AGAP1: variants seen among roughly 807,000 people sequenced by gnomAD.
AGAP1 encodes arf-GAP with GTPase, ANK repeat and PH domain-containing protein 1.
A neutral mutation model predicts 105.3 loss-of-function variants in AGAP1; 29 were observed. The observed-to-expected ratio is 0.28, with a 90% confidence interval of 0.21 to 0.38. The LOEUF is 0.38. AGAP1 is among the 10% of genes least tolerant of loss of function. AGAP1 has a pLI of 1.00. For synonymous variants in AGAP1, 509 were observed against 485.9 expected, an observed-to-expected ratio of 1.05 and a Z score of -0.63; for missense variants, 998 against 1,165.1, an observed-to-expected ratio of 0.86 and a Z score of 2.09.
Position 235,876,462 on chromosome 2 carries a change from G to A in AGAP1, c.1051-6883G>A, listed in dbSNP as rs374471616. ...CCCCTAGGCTTCTTCCTCTCTCATG[G>A]CTCCTCCCCAGCCACCCTCCGTCTC... On this transcript the variant is annotated intron_variant, in intron 9 of 17. Transcript: ENST00000304032. Among the ~76,000 whole-genome samples, 270 of 152,250 alleles carry A rather than the reference G, an allele frequency of 1.8e-3. 2 individuals carry two copies. Among genetic ancestry groups the A allele is most frequent in the South Asian group, 3.3e-3 (16 of 4,826 alleles).
At position 235,915,770 on chromosome 2, in the gene AGAP1, C is replaced by T. The variant is rs367769382; in HGVS notation, c.1324+6864C>T. Among the ~76,000 whole-genome samples the T allele has an allele frequency of 9.3e-4, 142 of 152,176 alleles. 1 individual carries two copies. Among genetic ancestry groups the T allele is most frequent in the African/African-American group, 3.3e-3 (136 of 41,532 alleles). ...TTCATTAGATAAATACTGTAAAGAA[C>T]GTGGCTAAAGACATGTTGGTAGTCA... On this transcript the variant is annotated intron_variant, in intron 11 of 17. Coordinates refer to ENST00000304032, the MANE Select transcript of AGAP1 (RefSeq NM_001037131.3).
At position 235,663,328 on chromosome 2, in the gene AGAP1, C is replaced by A. The variant is rs181477880; in HGVS notation, c.164-45851C>A. Among the ~76,000 whole-genome samples the A allele has an allele frequency of 6.7e-4, 102 of 152,190 alleles. No individual in the cohort carries two copies. The highest frequency in any genetic ancestry group is 1.1e-3 in the Non-Finnish European group (74 of 68,004). On this transcript the variant is annotated intron_variant, in intron 1 of 17. Transcript: ENST00000304032. The surrounding 1 kb of genome is among the most constrained non-coding windows in gnomAD (Gnocchi z 5.4). ...CTGTCTCAAAAAAAAAGAAGGGGAG[C>A]GATCACGTGCATCCCTCTGCTGAGA...
intron 6 of AGAP1, among the ~76,000 whole-genome samples, chr2:235,791,045 C>T (rs944981620): frequency 6.6e-6 from 1 of 152,264 alleles, no homozygotes; most frequent in Non-Finnish European, 1.5e-5. Flanking sequence ...TATGATTTGA[C>T]TTAGCTTTTC....
chr2:235,598,907 C>T (rs1431431109), intron 1 of AGAP1, among the ~76,000 whole-genome samples: 1 of 152,160 alleles, frequency 6.6e-6, no homozygotes, highest in African/African-American at 2.4e-5. Flanking sequence ...GTTCTTTATT[C>T]ACTCATCTAA....
intron 6 of AGAP1, among the ~76,000 whole-genome samples, chr2:235,758,146 A>G (rs73996349): frequency 0.064 from 9,672 of 151,926 alleles, 1,037 homozygotes; most frequent in African/African-American, 0.22. Context: ...GCATGCGTGC[A>G]TGTGTGTGTG....
Position 235,970,537 on chromosome 2 carries a change from A to G in AGAP1, c.1645+1914A>G, listed in dbSNP as rs1245662402. 6.6e-6 allele frequency among the ~76,000 whole-genome samples: 1 copy of G among 152,164 alleles called. No individual in the cohort carries two copies. The highest frequency in any genetic ancestry group is 2.4e-5 in the African/African-American group (1 of 41,436). On this transcript the variant is annotated intron_variant, in intron 13 of 17. Transcript: ENST00000304032. The surrounding 1 kb of genome is among the most constrained non-coding windows in gnomAD (Gnocchi z 5.4). ...GGCGGGCGCCAGATTCCCTTTAAGG[A>G]CAGGCCTTGTTCTCACTTTCACAGG... is the stretch of plus-strand genomic sequence containing the variant.
At chr2:235,706,971 G>A (rs75811987) in intron 1 of AGAP1, among the ~76,000 whole-genome samples, 2,657 of 152,334 alleles carry the variant, frequency 0.017, 72 homozygotes, top group African/African-American at 0.059. Flanking sequence ...AGTTACCCCT[G>A]ACTGAGCGCT....
intron 6 of AGAP1, among the ~76,000 whole-genome samples, chr2:235,771,590 C>G (rs1019813586): frequency 2.6e-5 from 4 of 152,188 alleles, no homozygotes; most frequent in African/African-American, 9.7e-5. Context: ...TGGTCTTCCC[C>G]GAAGAGTGAT....
rs990372689 is a variant in AGAP1 at position 235,621,014 on chromosome 2, C to A, written c.164-88165C>A. Among the ~76,000 whole-genome samples the A allele has an allele frequency of 6.6e-6, 1 of 152,054 alleles. No individual in the cohort carries two copies. The highest frequency in any genetic ancestry group is 2.1e-4 in the South Asian group (1 of 4,828). On this transcript the variant is annotated intron_variant, in intron 1 of 17. Coordinates refer to ENST00000304032, the MANE Select transcript of AGAP1 (RefSeq NM_001037131.3). The surrounding 1 kb of genome is among the most constrained non-coding windows in gnomAD (Gnocchi z 4.1). ...GAAGTGGCTGGATGGCCTTGGAGAT[C>A]TAGTTAATTTTTTTCCTTTTTTTGG...
chr2:235,863,628 G>A (rs1446485707), intron 9 of AGAP1, among the ~76,000 whole-genome samples: 1 of 152,314 alleles, frequency 6.6e-6, no homozygotes, highest in East Asian at 1.9e-4. Context: ...TGTGAGGTGG[G>A]CCTCCTGGGC....
intron 16 of AGAP1, among the ~76,000 whole-genome samples, chr2:236,075,518 G>A (rs1161044424): frequency 2.6e-5 from 4 of 152,164 alleles, no homozygotes; most frequent in Non-Finnish European, 5.9e-5. Context: ...GATCAAGGAA[G>A]CTGGGCCCAG....
intron 9 of AGAP1, among the ~76,000 whole-genome samples, chr2:235,812,881 G>A (rs996143377): frequency 2.6e-5 from 4 of 152,226 alleles, no homozygotes; most frequent in Non-Finnish European, 1.5e-5. Flanking sequence ...CTGGGCGTAG[G>A]GGCCCGTTTT....
chr2:235,795,145 C>T (rs896509683), intron 6 of AGAP1, among the ~76,000 whole-genome samples: 3 of 152,176 alleles, frequency 2.0e-5, no homozygotes, highest in African/African-American at 7.2e-5. Flanking sequence ...CCTCCACTCA[C>T]ATAGACACAC....
Position 236,040,809 on chromosome 2 carries a change from G to A in AGAP1, c.1859G>A (p.Gly620Glu). Residue 620 changes from glycine to glutamate, a missense_variant, in exon 15 of 18, where the codon GGG (glycine) becomes GAG (glutamate). By Grantham distance (98) the Gly-to-Glu change is moderately conservative. Around this residue, in one of 3 missense-constraint regions of AGAP1, gnomAD observed 735 missense variants for 833.4 expected, o/e 0.88. Coordinates refer to ENST00000304032, the MANE Select transcript of AGAP1 (RefSeq NM_001037131.3). The surrounding 1 kb of genome is among the most constrained non-coding windows in gnomAD (Gnocchi z 5.6). ...CTGCAGTCGATCCGGAACATGCGCGGGAACTCCCACTGTGTGGACTGCGAG... is the reference window on the plus strand; with the variant it reads ...CTGCAGTCGATCCGGAACATGCGCGAGAACTCCCACTGTGTGGACTGCGAG... ...MALQSIRNMRGNSHCVDCETQ... is the reference protein window; with the variant it reads ...MALQSIRNMRENSHCVDCETQ... The A allele has an allele frequency of 6.2e-7, 1 of 1,614,132 alleles. No homozygotes were observed. The highest frequency in any genetic ancestry group is 8.5e-7 in the Non-Finnish European group (1 of 1,180,046).
intron 11 of AGAP1, among the ~76,000 whole-genome samples, chr2:235,910,286 G>GGGCAGTCACTGAGCTGGTTCCTTCA (rs2051537777): frequency 1.3e-4 from 1 of 7,686 alleles, no homozygotes; most frequent in Admixed American, 1.4e-3. Context: ...TGCCTGTGTT[G>GGGCAGTCACTGAGCTGGTTCCTTCA]CAGGGGGGCG....
intron 1 of AGAP1, among the ~76,000 whole-genome samples, chr2:235,571,686 G>T (rs979092021): frequency 6.6e-6 from 1 of 152,066 alleles, no homozygotes; most frequent in Admixed American, 6.5e-5. Flanking sequence ...ACTCACCTGG[G>T]ATATGGCTTG....
intron 11 of AGAP1, among the ~76,000 whole-genome samples, chr2:235,915,319 C>T (rs957179657): frequency 2.0e-5 from 3 of 152,190 alleles, no homozygotes; most frequent in South Asian, 2.1e-4. Flanking sequence ...ATTATAACTC[C>T]TATCAACAGA....
chr2:235,529,573 G>C (rs1942974593), intron 1 of AGAP1, among the ~76,000 whole-genome samples: 1 of 152,106 alleles, frequency 6.6e-6, no homozygotes, highest in African/African-American at 2.4e-5. Flanking sequence ...ATGCTTGACA[G>C]CTCACGCTCC....
chr2:236,077,339 G>C (rs900822035), intron 16 of AGAP1, among the ~76,000 whole-genome samples: 11 of 75,086 alleles, frequency 1.5e-4, no homozygotes, highest in African/African-American at 5.7e-4. Flanking sequence ...TTTTTTTTTT[G>C]AGACAGTTTC....
Sources: allele counts gnomAD v4.1 joint callset (sites outside exome capture counted in the v4.1 genomes callset), GRCh38; gene constraint gnomAD v4.1.1; regional missense constraint gnomAD v4.1.1; non-coding constraint Gnocchi (gnomAD v3.1); transcripts MANE v1.5; gene names NCBI Gene and HGNC (gene_info 2026-07-23, HGNC 2026-07-21).